The following PCDHGB5 variants were observed in gnomAD, a reference collection of about 807,000 sequenced individuals.
PCDHGB5 encodes the protein protocadherin gamma-B5.
In PCDHGB5, 48 loss-of-function variants were observed where a neutral mutation model predicts 62.9. The ratio of observed to expected loss-of-function variants is 0.76; its 90% confidence interval spans 0.61 to 0.97. The LOEUF is 0.97. Among genes scored for constraint, PCDHGB5 ranks in the 50% least tolerant of loss-of-function variants. The pLI, the probability that PCDHGB5 is intolerant of heterozygous loss-of-function variation, is 0.00. For missense variants in PCDHGB5, 1,118 were observed against 1,198.6 expected, an observed-to-expected ratio of 0.93 and a Z score of 0.99; for synonymous variants, 474 against 511.2, an observed-to-expected ratio of 0.93 and a Z score of 0.98.
At chr5:141,499,620 G>A (rs557854340) in intron 2 of PCDHGB5, among the ~76,000 whole-genome samples, 1 of 150,986 alleles carries the variant, frequency 6.6e-6, no homozygotes, top group Non-Finnish European at 1.5e-5. Context: ...TCCTGTCCTT[G>A]GATTCTTTTG....
chr5:141,437,831 G>C (rs923199746), intron 1 of PCDHGB5, among the ~76,000 whole-genome samples: 16 of 151,256 alleles, frequency 1.1e-4, no homozygotes, highest in African/African-American at 3.4e-4. Flanking sequence ...TCTGCCTCCT[G>C]GGTTCATGCT....
At chr5:141,403,624 C>T (rs1269483770) in intron 1 of PCDHGB5, 3 of 1,613,924 alleles carry the variant, frequency 1.9e-6, no homozygotes. Context: ...GTCGCTCCAG[C>T]ACAGTGCGCA....
intron 1 of PCDHGB5, chr5:141,417,979 G>C (rs2096202372): frequency 6.2e-7 from 1 of 1,613,752 alleles, no homozygotes; most frequent in Admixed American, 1.7e-5. Context: ...TTCCGGAGGA[G>C]CTGGCCAAGG....
chr5:141,468,374 C>T (rs1340499708), intron 1 of PCDHGB5: 2 of 150,736 alleles, frequency 1.3e-5, no homozygotes, highest in Non-Finnish European at 3.0e-5. Context: ...ATAACTCAGC[C>T]ATACAAGGCT....
Position 141,511,176 on chromosome 5 carries a change from T to C in PCDHGB5, c.*3T>C, listed in dbSNP as rs375508988. On this transcript the variant is annotated 3_prime_UTR_variant, in exon 4 of 4. Transcript: ENST00000617380. ...CGGGCAAGAAGGAGAAGAAGTAACA[T>C]GGAGGCCAGGCCAAGAGCCACAGGG... 198 of 1,614,046 alleles carry C rather than the reference T, an allele frequency of 1.2e-4. 1 individual carries two copies. The highest frequency in any genetic ancestry group is 6.5e-5 in the Non-Finnish European group (77 of 1,179,964).
chr5:141,404,490 T>A (rs748668164), intron 1 of PCDHGB5: 6 of 1,613,632 alleles, frequency 3.7e-6, no homozygotes, highest in Non-Finnish European at 5.1e-6. Flanking sequence ...GACACTGGTG[T>A]GCTGTATGCT....
chr5:141,503,763 T>C (rs1014883264), intron 2 of PCDHGB5, among the ~76,000 whole-genome samples: 1 of 152,174 alleles, frequency 6.6e-6, no homozygotes, highest in Non-Finnish European at 1.5e-5. Context: ...ATGGCAGCCT[T>C]GTGTCTGTTC....
intron 1 of PCDHGB5, chr5:141,428,358 G>C: frequency 1.8e-6 from 1 of 565,492 alleles, no homozygotes; most frequent in South Asian, 1.9e-5. Context: ...TGATTTTGGC[G>C]GTCGCCTTGC....
Position 141,476,819 on chromosome 5 carries a change from C to T in PCDHGB5, c.2398-17988C>T. ...CAGCCTGCCTATTCACATCAAGGTGCTGGACGCGAATGACAATGCGCCTGT... is the reference window on the plus strand; with the variant it reads ...CAGCCTGCCTATTCACATCAAGGTGTTGGACGCGAATGACAATGCGCCTGT... On this transcript the variant is annotated intron_variant, in intron 1 of 3. Coordinates refer to ENST00000617380, the MANE Select transcript of PCDHGB5 (RefSeq NM_018925.3). The surrounding 1 kb of genome is among the most constrained non-coding windows in gnomAD (Gnocchi z 7.6). 6.2e-7 allele frequency: 1 copy of T among 1,613,524 alleles called. No homozygotes were observed. The highest frequency in any genetic ancestry group is 8.5e-7 in the Non-Finnish European group (1 of 1,180,036).
At chr5:141,488,157 C>T (rs565677003) in intron 1 of PCDHGB5, among the ~76,000 whole-genome samples, 2 of 152,216 alleles carry the variant, frequency 1.3e-5, no homozygotes, top group South Asian at 2.1e-4. Context: ...TAGAGAGGCA[C>T]GCATCAGAGT....
intron 1 of PCDHGB5, chr5:141,415,740 G>GTTTTGTTTTT (rs2095911163): frequency 1.9e-6 from 1 of 515,998 alleles, no homozygotes; most frequent in African/African-American, 2.8e-5. Context: ...GTTTATTAAG[G>GTTTTGTTTTT]TTTTTTTTTT....
intron 1 of PCDHGB5, among the ~76,000 whole-genome samples, chr5:141,461,054 T>C (rs984461416): frequency 6.6e-6 from 1 of 151,758 alleles, no homozygotes; most frequent in African/African-American, 2.4e-5. Context: ...GGGACTTAGG[T>C]TGGTTTCACA....
intron 1 of PCDHGB5, chr5:141,427,514 G>A (rs1193674497): frequency 1.7e-6 from 1 of 595,712 alleles, no homozygotes; most frequent in Non-Finnish European, 3.2e-6. Context: ...CCCTGGATTG[G>A]GAGCGGATCC....
chr5:141,405,391 T>A, intron 1 of PCDHGB5: 1 of 1,595,892 alleles, frequency 6.3e-7, no homozygotes, highest in Non-Finnish European at 8.5e-7. Flanking sequence ...GTTCATTTTT[T>A]TTCTTTCTTT....
At chr5:141,453,240 A>G (rs1470706774) in intron 1 of PCDHGB5, among the ~76,000 whole-genome samples, 1 of 152,020 alleles carries the variant, frequency 6.6e-6, no homozygotes, top group African/African-American at 2.4e-5. Context: ...CAGCCTCCCA[A>G]ATAGCTGGGG....
intron 2 of PCDHGB5, among the ~76,000 whole-genome samples, chr5:141,504,128 G>A (rs914138294): frequency 2.6e-5 from 4 of 151,992 alleles, no homozygotes; most frequent in African/African-American, 9.7e-5. Context: ...GCTGTTTCCC[G>A]CCAACACTCC....
chr5:141,421,307 T>C, intron 1 of PCDHGB5: 10 of 1,613,674 alleles, frequency 6.2e-6, no homozygotes, highest in Non-Finnish European at 8.5e-6. Context: ...CTGCGGGGGT[T>C]CCGGGCCAGG....
At chr5:141,414,059 A>C (rs1008514691) in intron 1 of PCDHGB5, 1 of 1,609,440 alleles carries the variant, frequency 6.2e-7, no homozygotes, top group East Asian at 2.2e-5. Flanking sequence ...CAATTGTTGA[A>C]GTTCCAACTA....
intron 1 of PCDHGB5, among the ~76,000 whole-genome samples, chr5:141,401,282 C>T (rs963741934): frequency 2.6e-5 from 4 of 151,884 alleles, no homozygotes; most frequent in Non-Finnish European, 4.4e-5. Flanking sequence ...GTGGAGGTTG[C>T]GGTGAGCCGA....
Sources: gnomAD v4.1 joint callset for allele counts (sites outside exome capture counted in the v4.1 genomes callset) on GRCh38, gnomAD v4.1.1 for gene constraint, Gnocchi (gnomAD v3.1) non-coding constraint, MANE v1.5 for transcripts, NCBI Gene and HGNC (gene_info 2026-07-23, HGNC 2026-07-21) for gene names.